Variants in FCAMR observed in about 807,000 individuals in gnomAD.
The protein encoded by FCAMR is high affinity immunoglobulin alpha and immunoglobulin mu Fc receptor.
FCAMR carries 51 observed loss-of-function variants against 52.2 expected under a neutral mutation model. The observed-to-expected ratio is 0.98, with a 90% confidence interval of 0.78 to 1.23. FCAMR has a LOEUF of 1.23. Ranked by LOEUF, FCAMR falls within the 50% of genes most tolerant of loss-of-function variation. FCAMR has a pLI of 0.00. For missense variants in FCAMR, 719 were observed against 712.6 expected (o/e 1.01, Z -0.10); for synonymous variants, 282 against 262.0 (o/e 1.08, Z -0.74).
Position 206,960,456 on chromosome 1 carries a change from A to G in FCAMR, c.1420T>C (p.Trp474Arg), listed in dbSNP as rs1680459508. Residue 474 changes from tryptophan (W) to arginine (R), a missense_variant, in exon 6 of 8, where the codon TGG (tryptophan) becomes CGG (arginine). Coordinates refer to ENST00000324852, the MANE Select transcript of FCAMR (RefSeq NM_001170631.2). ...GAGGACTCCTTGCCAGGGGGTCCCC[A>G]GGGTCCTACTGCCGGGGTCTGGCTC... ...TLSQTPAVGP[W>R]GPPGKESSVK... 5.9e-6 allele frequency: 9 copies of G among 1,525,190 alleles called. No individual in the cohort carries two copies. The highest frequency in any genetic ancestry group is 7.1e-6 in the Non-Finnish European group (8 of 1,134,714). The allele number at this position is 1,525,190 out of a possible 1,614,324, so 94.5% of individuals were successfully genotyped here. A position where few individuals can be genotyped will look rare whatever the true frequency, so the allele number is the denominator to read the frequency against.
At chr1:206,958,975 C>T (rs1469892050) in intron 7 of FCAMR, 2 of 540,318 alleles carry the variant, frequency 3.7e-6, no homozygotes, top group South Asian at 3.1e-5. Flanking sequence ...ATGTTGCTCT[C>T]AGAGAATTTT....
intron 4 of FCAMR, among the ~76,000 whole-genome samples, 181 bp downstream of exon 4, chr1:206,965,534 C>T (rs1680668945): frequency 6.6e-6 from 1 of 152,192 alleles, no homozygotes; most frequent in South Asian, 2.1e-4. Flanking sequence ...ACTCCCTGCC[C>T]ATCCATGGAG....
At chr1:206,967,713 C>T (rs1014056236) in intron 1 of FCAMR, 62 bp from the exon 2 acceptor site, 14 of 1,476,838 alleles carry the variant, frequency 9.5e-6, no homozygotes, top group Non-Finnish European at 1.3e-5. Context: ...GTTAGTATGC[C>T]TCGGTTAGTA....
chr1:206,965,942 G>C, intron 3 of FCAMR, 84 bp from the exon 4 acceptor site: 1 of 1,583,950 alleles, frequency 6.3e-7, no homozygotes, highest in South Asian at 1.1e-5. Context: ...CAAACAGCCA[G>C]TTCCAAACCC....
At chr1:206,968,072 G>A (rs1035729432) in intron 1 of FCAMR, among the ~76,000 whole-genome samples, 4 of 152,234 alleles carry the variant, frequency 2.6e-5, no homozygotes, top group Non-Finnish European at 4.4e-5. Context: ...GGGCACAGTG[G>A]CTCATGCCTG....
chr1:206,965,903 G>A (rs546048392), intron 3 of FCAMR, 45 bp from the exon 4 acceptor site: 1 of 1,609,552 alleles, frequency 6.2e-7, no homozygotes. Flanking sequence ...CCATCCATGT[G>A]TCCACAAAGG....
chr1:206,958,342 C>T lies in FCAMR; in HGVS notation c.*174G>A. 1.5e-6 allele frequency: 1 copy of T among 679,800 alleles called. No homozygotes were observed. Among genetic ancestry groups the T allele is most frequent in the South Asian group, 2.1e-5 (1 of 48,102 alleles). The allele number at this position is 679,800 out of a possible 1,614,324, so 42.1% of individuals were successfully genotyped here. A position where few individuals can be genotyped will look rare whatever the true frequency, so the allele number is the denominator to read the frequency against. On this transcript the variant is annotated 3_prime_UTR_variant, in exon 8 of 8. Coordinates refer to ENST00000324852, the MANE Select transcript of FCAMR (RefSeq NM_001170631.2). The stretch of plus-strand genomic sequence containing the variant: ...TTGTCACCTTTGGACGTGGATAATG[C>T]TTGACTTTCTTGGGCCCAAGGACAG...
chr1:206,966,000 G>T, intron 3 of FCAMR, 142 bp from the exon 4 acceptor site: 1 of 1,121,694 alleles, frequency 8.9e-7, no homozygotes, highest in Non-Finnish European at 1.3e-6. Context: ...AGAGCTGCCT[G>T]CCCTCCTGCA....
rs1234538443 is a variant in FCAMR, at chr1:206,961,240, G to A, written c.653-17C>T. The A allele has an allele frequency of 6.6e-7, 1 of 1,509,770 alleles. No homozygotes were observed. Among genetic ancestry groups the A allele is most frequent in the Admixed American group, 2.3e-5 (1 of 43,278 alleles). 93.5% of individuals were successfully genotyped at this position (1,509,770 alleles called of 1,614,324 possible). The stretch of plus-strand genomic sequence containing the variant: ...TGGCGGGACCTGTGTGGACAGCAGA[G>A]GGAGGCCACATGGGAAGGCTGGCAG... On this transcript the variant is annotated splice_polypyrimidine_tract_variant and intron_variant, in intron 5 of 7. Coordinates refer to ENST00000324852, the MANE Select transcript of FCAMR (RefSeq NM_001170631.2).
chr1:206,961,420 T>A (rs1344435593), intron 5 of FCAMR, among the ~76,000 whole-genome samples, 197 bp from the exon 6 acceptor site: 1 of 152,248 alleles, frequency 6.6e-6, no homozygotes, highest in Non-Finnish European at 1.5e-5. Context: ...CATTCTCTCG[T>A]CTGTGGCAGA....
At chr1:206,967,783 G>T in intron 1 of FCAMR, 132 bp from the exon 2 acceptor site, 1 of 773,240 alleles carries the variant, frequency 1.3e-6, no homozygotes, top group South Asian at 1.7e-5. Context: ...GTGCTATTCT[G>T]TTTCTTCTCC....
chr1:206,958,841 T>C (rs983845477), intron 7 of FCAMR, 165 bp from the exon 8 acceptor site: 1 of 846,768 alleles, frequency 1.2e-6, no homozygotes, highest in Non-Finnish European at 1.9e-6. Flanking sequence ...ATGATAGGGC[T>C]TGGACTTCGG....
chr1:206,962,616 C>T (rs781539777), intron 4 of FCAMR, 65 bp from the exon 5 acceptor site: 26 of 1,357,874 alleles, frequency 1.9e-5, no homozygotes, highest in Admixed American at 2.8e-5. Flanking sequence ...TGGGGACTCA[C>T]GAACTCTGAA....
chr1:206,959,823 G>A (rs756556330), intron 6 of FCAMR, 26 bp from the exon 7 acceptor site: 1 of 1,548,176 alleles, frequency 6.5e-7, no homozygotes, highest in Non-Finnish European at 8.9e-7. Context: ...AAAGAGCACA[G>A]GGGAGAGGAG....
chr1:206,958,742 G>T, intron 7 of FCAMR, 66 bp from the exon 8 acceptor site: 1 of 1,599,514 alleles, frequency 6.3e-7, no homozygotes, highest in South Asian at 1.1e-5. Context: ...GATTTCCTAA[G>T]AACCACTCCC....
At position 206,960,497 on chromosome 1, in the gene FCAMR, C is replaced by T; in HGVS notation, c.1379G>A (p.Gly460Asp). Residue 460 changes from glycine to aspartate, a missense_variant, in exon 6 of 8, where the codon GGT (glycine) becomes GAT (aspartate). Coordinates refer to ENST00000324852, the MANE Select transcript of FCAMR (RefSeq NM_001170631.2). ...GGTCTGGCTCAGTGTTGCTTGGGGACCTCTGTCTCCAGTGGCAGCATCTAG... is the reference window on the plus strand; with the variant it reads ...GGTCTGGCTCAGTGTTGCTTGGGGATCTCTGTCTCCAGTGGCAGCATCTAG... ...GDLDAATGDR[G>D]PQATLSQTPA... 6.4e-7 allele frequency: 1 copy of T among 1,550,502 alleles called. No homozygotes were observed.
At chr1:206,969,230 C>G (rs1680839468) in intron 1 of FCAMR, 6 of 453,142 alleles carry the variant, frequency 1.3e-5, no homozygotes, top group South Asian at 7.8e-5. Flanking sequence ...ATCATACCAT[C>G]CAGTTCCTCT....
At chr1:206,959,828 G>A (rs1303531114) in intron 6 of FCAMR, 31 bp from the exon 7 acceptor site, 1 of 1,528,650 alleles carries the variant, frequency 6.5e-7, no homozygotes, top group South Asian at 1.1e-5. Context: ...GCACAGGGGA[G>A]AGGAGGTTGG....
chr1:206,964,972 T>A (rs1451947764), intron 4 of FCAMR, among the ~76,000 whole-genome samples: 1 of 152,186 alleles, frequency 6.6e-6, no homozygotes, highest in East Asian at 1.9e-4. Context: ...GCCTATTATG[T>A]GTGTATTCAG....
Sources: allele counts gnomAD v4.1 joint callset (sites outside exome capture counted in the v4.1 genomes callset), GRCh38; gene constraint gnomAD v4.1.1; transcripts MANE v1.5; gene names NCBI Gene and HGNC (gene_info 2026-07-23, HGNC 2026-07-21).